The following RPH3A variants were observed in gnomAD, a reference collection of about 807,000 sequenced individuals.
The protein encoded by RPH3A is rabphilin-3A.
Under a neutral mutation model 102.2 loss-of-function variants are expected in RPH3A, and 48 were observed. That is an observed-to-expected ratio of 0.47 (90% CI 0.37 to 0.60). The LOEUF (loss-of-function observed/expected upper bound fraction) is 0.60, where lower values mean the gene tolerates loss of function less well. Ranked by LOEUF, RPH3A falls within the 20% of genes least tolerant of loss-of-function variation. RPH3A has a pLI of 0.00. For missense variants in RPH3A, 781 were observed against 910.1 expected (o/e 0.86, Z 1.83); for synonymous variants, 310 against 324.3 (o/e 0.96, Z 0.47).
At chr12:112,881,017 A>G (rs775280182) in intron 14 of RPH3A, among the ~76,000 whole-genome samples, 5 of 152,140 alleles carry the variant, frequency 3.3e-5, no homozygotes, top group Non-Finnish European at 5.9e-5. Flanking sequence ...CAGAGGTGGA[A>G]GAAAATCCTC....
intron 1 of RPH3A, among the ~76,000 whole-genome samples, chr12:112,724,472 A>C (rs760024830): frequency 1.3e-5 from 2 of 152,218 alleles, no homozygotes; most frequent in Non-Finnish European, 2.9e-5. Flanking sequence ...TCATGCATAA[A>C]TGAACCTGCA....
chr12:112,858,358 G>A (rs2042448570), intron 5 of RPH3A, among the ~76,000 whole-genome samples: 1 of 145,696 alleles, frequency 6.9e-6, no homozygotes, highest in Non-Finnish European at 1.5e-5. Flanking sequence ...TCCACTGAAA[G>A]CCCTTGCATG....
intron 1 of RPH3A, among the ~76,000 whole-genome samples, chr12:112,644,322 G>T (rs957434107): frequency 6.6e-6 from 1 of 152,192 alleles, no homozygotes; most frequent in African/African-American, 2.4e-5. Context: ...TTCAGATTGA[G>T]CCTGTTTGCA....
In RPH3A at chr12:112,816,577, C is replaced by T. The variant is rs79272641; in HGVS notation, c.-18-11724C>T. On this transcript the variant is annotated intron_variant, in intron 2 of 21. Coordinates refer to ENST00000389385, the MANE Select transcript of RPH3A (RefSeq NM_001143854.2). ...ACTTGGAAACGTTCTTTGGTCGAAA[C>T]AGGTCATGTGGCCACTCCCAGCTTC... Among the ~76,000 whole-genome samples, 1,103 of 152,304 alleles carry T rather than the reference C, an allele frequency of 7.2e-3. 13 individuals carry two copies. Among genetic ancestry groups the T allele is most frequent in the African/African-American group, 0.025 (1,039 of 41,586 alleles).
chr12:112,582,592 G>C (rs934041873), intron 1 of RPH3A, among the ~76,000 whole-genome samples: 2 of 143,992 alleles, frequency 1.4e-5, no homozygotes, highest in African/African-American at 5.2e-5. Context: ...GACTACAGGC[G>C]TGTACCACCA....
intron 14 of RPH3A, 66 bp from the exon 15 acceptor site, chr12:112,881,706 T>C: frequency 8.5e-7 from 1 of 1,178,858 alleles, no homozygotes; most frequent in South Asian, 1.4e-5. Context: ...GCTATGCCCA[T>C]TGCCGATGAC....
intron 1 of RPH3A, among the ~76,000 whole-genome samples, chr12:112,738,513 CTA>C (rs1377380697): frequency 1.3e-5 from 2 of 152,128 alleles, no homozygotes; most frequent in Non-Finnish European, 2.9e-5. Flanking sequence ...ACTTAACCCA[CTA>C]AGGGAGTAAG....
chr12:112,799,065 G>T (rs988350303), intron 2 of RPH3A, among the ~76,000 whole-genome samples: 30 of 152,238 alleles, frequency 2.0e-4, no homozygotes, highest in African/African-American at 7.0e-4. Flanking sequence ...GCTGAAGGGG[G>T]TCCTGGGATA....
chr12:112,602,798 G>GA (rs959984112), intron 1 of RPH3A, among the ~76,000 whole-genome samples: 41 of 148,960 alleles, frequency 2.8e-4, no homozygotes, highest in African/African-American at 6.2e-4. Flanking sequence ...TTAAAAGAGA[G>GA]AAAAAAAAAG....
At chr12:112,635,347 T>C (rs2039840379) in intron 1 of RPH3A, among the ~76,000 whole-genome samples, 1 of 152,218 alleles carries the variant, frequency 6.6e-6, no homozygotes, top group African/African-American at 2.4e-5. Context: ...TCAGCATGCC[T>C]GGGTTTGAAT....
chr12:112,801,162 G>C lies in RPH3A; in HGVS notation c.-19+8899G>C, dbSNP rs576904529. Among the ~76,000 whole-genome samples the C allele has an allele frequency of 9.6e-4, 146 of 152,284 alleles. 1 individual carries two copies. Among genetic ancestry groups the C allele is most frequent in the African/African-American group, 3.4e-3 (142 of 41,566 alleles). On this transcript the variant is annotated intron_variant, in intron 2 of 21. Coordinates refer to ENST00000389385, the MANE Select transcript of RPH3A (RefSeq NM_001143854.2). Reference sequence around the variant, plus strand: ...ATGTGATGGAAGACGTGAGCTTCTGGTGTCTGCAGCTTCCTCTCTGATCTG... The same window carrying C: ...ATGTGATGGAAGACGTGAGCTTCTGCTGTCTGCAGCTTCCTCTCTGATCTG...
rs2042655481 is a variant in RPH3A, at chr12:112,868,755, C to T, written c.610+160C>T. ...ACTCCTATATCTCCTTCAGAGTTCA[C>T]CATAAATCGTTACCAAGAGGGTAGC... On this transcript the variant is annotated intron_variant, in intron 8 of 21. Coordinates refer to ENST00000389385, the MANE Select transcript of RPH3A (RefSeq NM_001143854.2). The T allele has an allele frequency of 2.8e-6, 2 of 716,508 alleles. 1 individual carries two copies. Among genetic ancestry groups the T allele is most frequent in the South Asian group, 4.8e-5 (2 of 41,884 alleles). 44.4% of individuals were successfully genotyped at this position (716,508 alleles called of 1,614,324 possible).
intron 2 of RPH3A, among the ~76,000 whole-genome samples, chr12:112,808,736 T>C (rs1466373454): frequency 1.3e-5 from 2 of 152,200 alleles, no homozygotes; most frequent in African/African-American, 4.8e-5. Flanking sequence ...TGGAACTTAC[T>C]AGAAATGCAA....
chr12:112,826,111 G>C (rs1164175227), intron 2 of RPH3A, among the ~76,000 whole-genome samples: 1 of 152,056 alleles, frequency 6.6e-6, no homozygotes, highest in East Asian at 1.9e-4. Context: ...CCCGCTGTGG[G>C]AGCTGTTTTA....
chr12:112,690,518 C>T (rs1409546828), intron 1 of RPH3A, among the ~76,000 whole-genome samples: 1 of 152,180 alleles, frequency 6.6e-6, no homozygotes, highest in Admixed American at 6.5e-5. Flanking sequence ...TTCCCCAAGT[C>T]CAGTCTGAAT....
At chr12:112,697,200 A>G (rs2040358998) in intron 1 of RPH3A, among the ~76,000 whole-genome samples, 1 of 152,188 alleles carries the variant, frequency 6.6e-6, no homozygotes, top group Admixed American at 6.5e-5. Flanking sequence ...TTCAGGCAAC[A>G]TGATCATGTA....
At chr12:112,683,505 C>A (rs2040240903) in intron 1 of RPH3A, among the ~76,000 whole-genome samples, 1 of 152,062 alleles carries the variant, frequency 6.6e-6, no homozygotes, top group African/African-American at 2.4e-5. Context: ...GTTTATCTGG[C>A]AGATGATTCC....
At chr12:112,867,176 C>T (rs1287761027) in intron 7 of RPH3A, among the ~76,000 whole-genome samples, 1 of 152,012 alleles carries the variant, frequency 6.6e-6, no homozygotes, top group Non-Finnish European at 1.5e-5. Flanking sequence ...CTCACACTCT[C>T]CTCTTGTTTG....
chr12:112,841,952 A>G (rs1190063178), intron 4 of RPH3A: 1 of 455,810 alleles, frequency 2.2e-6, no homozygotes, highest in Admixed American at 2.4e-5. Context: ...TAAATCAACT[A>G]GGTTCATGTT....
Sources: allele counts gnomAD v4.1 joint callset (sites outside exome capture counted in the v4.1 genomes callset), GRCh38; gene constraint gnomAD v4.1.1; transcripts MANE v1.5; gene names NCBI Gene and HGNC (gene_info 2026-07-23, HGNC 2026-07-21).